PTPN13: variants seen among roughly 807,000 people sequenced by gnomAD.
PTPN13 encodes the protein tyrosine-protein phosphatase non-receptor type 13.
PTPN13 carries 191 observed loss-of-function variants against 284.0 expected under a neutral mutation model. That is an observed-to-expected ratio of 0.67 (90% CI 0.60 to 0.76). PTPN13 has a LOEUF of 0.76. PTPN13 is among the 30% of genes least tolerant of loss of function. The pLI, the probability that PTPN13 is intolerant of heterozygous loss-of-function variation, is 0.00. For synonymous variants in PTPN13, 986 were observed against 1,022.3 expected, an observed-to-expected ratio of 0.96 and a Z score of 0.68; for missense variants, 2,797 against 2,939.9, an observed-to-expected ratio of 0.95 and a Z score of 1.12.
chr4:86,646,861 T>C (rs1476525058), intron 2 of PTPN13, among the ~76,000 whole-genome samples: 2 of 152,228 alleles, frequency 1.3e-5, no homozygotes, highest in Non-Finnish European at 2.9e-5. Flanking sequence ...TATATTCATA[T>C]AATGAAACGC....
At chr4:86,686,846 C>G in intron 4 of PTPN13, 71 bp downstream of exon 4, 1 of 1,077,478 alleles carries the variant, frequency 9.3e-7, no homozygotes, top group African/African-American at 1.6e-5. Flanking sequence ...CATAGCTCTT[C>G]CACACGTTTA....
intron 1 of PTPN13, among the ~76,000 whole-genome samples, chr4:86,628,503 A>C (rs868186745): frequency 7.3e-6 from 1 of 136,776 alleles, no homozygotes; most frequent in African/African-American, 2.7e-5. Context: ...TTTTTTTTTA[A>C]TTTTTTTTTT....
chr4:86,706,154 A>C (rs1731742668), intron 7 of PTPN13, among the ~76,000 whole-genome samples: 1 of 152,054 alleles, frequency 6.6e-6, no homozygotes, highest in Non-Finnish European at 1.5e-5. Context: ...CAAACATCTC[A>C]TTTTCAGAGG....
chr4:86,812,151 A>G (rs190075381), intron 47 of PTPN13, among the ~76,000 whole-genome samples: 19 of 151,728 alleles, frequency 1.3e-4, no homozygotes, highest in East Asian at 9.7e-4. Context: ...TCTACTAAAA[A>G]TACAAAAAAT....
intron 2 of PTPN13, among the ~76,000 whole-genome samples, chr4:86,655,974 C>G (rs185976059): frequency 6.6e-6 from 1 of 152,064 alleles, no homozygotes; most frequent in African/African-American, 2.4e-5. Flanking sequence ...CTTCTCTTCT[C>G]GCTTCTTTTC....
In PTPN13 at chr4:86,795,181, TAAAC is replaced by T. The variant is rs550034600; in HGVS notation, c.6346-1689_6346-1686del. 2.6e-3 allele frequency among the ~76,000 whole-genome samples: 401 copies of T among 152,206 alleles called. 9 individuals are homozygous for T. The highest frequency in any genetic ancestry group is 0.024 in the Admixed American group (369 of 15,282). ...TAATATCCTGAATCTACAAATAACTTAAACAAATTTACAAGAAAAAAGCAATTCC... is the reference window on the plus strand; with the variant it reads ...TAATATCCTGAATCTACAAATAACTTAAATTTACAAGAAAAAAGCAATTCC... On this transcript the variant is annotated intron_variant, in intron 40 of 47. Coordinates refer to ENST00000411767, the MANE Select transcript of PTPN13 (RefSeq NM_080683.3).
chr4:86,764,225 T>A (rs1291243346), intron 24 of PTPN13, among the ~76,000 whole-genome samples: 2 of 152,176 alleles, frequency 1.3e-5, no homozygotes, highest in African/African-American at 4.8e-5. Context: ...TGGACCAGGA[T>A]TATATAAAAG....
intron 20 of PTPN13, among the ~76,000 whole-genome samples, chr4:86,755,118 T>C (rs904430020): frequency 6.6e-6 from 1 of 152,102 alleles, no homozygotes; most frequent in Admixed American, 6.6e-5. Context: ...GTCAAGATTA[T>C]TAGATGAAAA....
chr4:86,686,819 A>G (rs1729510376), intron 4 of PTPN13, 44 bp downstream of exon 4: 2 of 1,298,402 alleles, frequency 1.5e-6, no homozygotes, highest in Non-Finnish European at 2.2e-6. Flanking sequence ...ACATATGTTC[A>G]ATTTTACACC....
Position 86,655,476 on chromosome 4 carries a change from G to T in PTPN13, c.116-16889G>T, listed in dbSNP as rs189297450. On this transcript the variant is annotated intron_variant, in intron 2 of 47. Transcript: ENST00000411767. The stretch of plus-strand genomic sequence containing the variant: ...TCTCTGCATTTGCTTGTCTGTAAAG[G>T]ATTTTATTTCTCCTTCACTTATGAA... 7.6e-3 allele frequency among the ~76,000 whole-genome samples: 1,151 copies of T among 152,182 alleles called. 51 individuals are homozygous for T. Among genetic ancestry groups the T allele is most frequent in the Admixed American group, 0.069 (1,062 of 15,296 alleles).
At chr4:86,706,062 C>T (rs1488392545) in intron 7 of PTPN13, among the ~76,000 whole-genome samples, 1 of 152,154 alleles carries the variant, frequency 6.6e-6, no homozygotes, top group Non-Finnish European at 1.5e-5. Flanking sequence ...CTAACAACAT[C>T]AACTAGCTAA....
At chr4:86,773,640 A>G (rs1740258108) in intron 32 of PTPN13, among the ~76,000 whole-genome samples, 1 of 152,000 alleles carries the variant, frequency 6.6e-6, no homozygotes, top group African/African-American at 2.4e-5. Flanking sequence ...TAAAGCCACT[A>G]TAATCTGATT....
At chr4:86,596,958 A>C (rs1164745479) in intron 1 of PTPN13, among the ~76,000 whole-genome samples, 2 of 152,224 alleles carry the variant, frequency 1.3e-5, no homozygotes, top group African/African-American at 4.8e-5. Flanking sequence ...TACTCCTGTC[A>C]ACATATTCTT....
chr4:86,776,666 C>A lies in PTPN13; in HGVS notation c.5891+1014C>A, dbSNP rs138117060. ...CCTACCAAACATCACAGCTTATTAGCCTAGCCTAGCCTACCATAAACAGTT... is the reference window on the plus strand; with the variant it reads ...CCTACCAAACATCACAGCTTATTAGACTAGCCTAGCCTACCATAAACAGTT... On this transcript the variant is annotated intron_variant, in intron 35 of 47. Coordinates refer to ENST00000411767, the MANE Select transcript of PTPN13 (RefSeq NM_080683.3). 8.0e-3 allele frequency among the ~76,000 whole-genome samples: 1,217 copies of A among 152,306 alleles called. 10 individuals carry two copies. The highest frequency in any genetic ancestry group is 0.028 in the African/African-American group (1,152 of 41,554).
rs57773658 is a variant in PTPN13, at chr4:86,728,643, CTTTTTTTTTTTTTTT to C, written c.1609-3737_1609-3723del. Among the ~76,000 whole-genome samples, 18 of 24,504 alleles carry C rather than the reference CTTTTTTTTTTTTTTT, an allele frequency of 7.3e-4. 1 individual carries two copies. Among genetic ancestry groups the C allele is most frequent in the Non-Finnish European group, 1.1e-3 (15 of 13,144 alleles). 16.1% of individuals were successfully genotyped at this position (24,504 alleles called of 152,430 possible). ...CAGAGACTAGGATTGCAACCCCTGC[CTTTTTTTTTTTTTTT>C]TTTTTTTTTTTTTTTTTTTGCTTTC... On this transcript the variant is annotated intron_variant, in intron 10 of 47. Transcript: ENST00000411767.
chr4:86,645,568 T>C (rs958521994), intron 2 of PTPN13, among the ~76,000 whole-genome samples: 1 of 151,720 alleles, frequency 6.6e-6, no homozygotes, highest in African/African-American at 2.4e-5. Flanking sequence ...CATTTAGAAA[T>C]GATAAAAAAA....
intron 1 of PTPN13, among the ~76,000 whole-genome samples, chr4:86,609,303 T>C (rs573281133): frequency 6.6e-6 from 1 of 152,330 alleles, no homozygotes; most frequent in South Asian, 2.1e-4. Context: ...ACTTTAGTTA[T>C]AGCAGATAAA....
rs1738338593 is a variant in PTPN13, at chr4:86,758,938, A to G, written c.3422-4A>G. 1 of 1,611,916 alleles carries G rather than the reference A, an allele frequency of 6.2e-7. No homozygotes were observed. Among genetic ancestry groups the G allele is most frequent in the African/African-American group, 1.3e-5 (1 of 74,854 alleles). ...TGAAAATACTGGATTGTCTATTTGT[A>G]CAGGAGACCGTTTGATATCTGTGAA... On this transcript the variant is annotated splice_polypyrimidine_tract_variant and splice_region_variant and intron_variant, in intron 22 of 47. Transcript: ENST00000411767.
At chr4:86,783,816 A>C (rs17012072) in intron 37 of PTPN13, among the ~76,000 whole-genome samples, 20,987 of 151,954 alleles carry the variant, frequency 0.14, 1,816 homozygotes, top group East Asian at 0.31. Flanking sequence ...TTCTTTTGAT[A>C]GGCTATGCTC....
Sources: allele counts gnomAD v4.1 joint callset (sites outside exome capture counted in the v4.1 genomes callset), GRCh38; gene constraint gnomAD v4.1.1; transcripts MANE v1.5; gene names NCBI Gene and HGNC (gene_info 2026-07-23, HGNC 2026-07-21).